MEIS2: variants seen among roughly 807,000 people sequenced by gnomAD.
MEIS2 encodes the protein Meis homeobox 2, also known as homeobox protein Meis2.
A neutral mutation model predicts 58.6 loss-of-function variants in MEIS2; 9 were observed. That is an observed-to-expected ratio of 0.15 (90% CI 0.09 to 0.27). The LOEUF is 0.27. Ranked by LOEUF, MEIS2 falls within the 10% of genes least tolerant of loss-of-function variation. The pLI is 1.00. For synonymous variants in MEIS2, 221 were observed against 228.4 expected (o/e 0.97, Z 0.29); for missense variants, 427 against 635.0 (o/e 0.67, Z 3.52).
rs909929629 is a variant in MEIS2, at chr15:37,096,523, G to GA, written c.246-94dup. The GA allele has an allele frequency of 4.1e-6, 6 of 1,479,480 alleles. No individual in the cohort carries two copies. The African/African-American group carries it at 8.4e-5, about 21-fold the overall frequency. 91.6% of individuals were successfully genotyped at this position (1,479,480 alleles called of 1,614,324 possible). Reference sequence around the variant, plus strand: ...GTAATCAACAAGTTTGGAGGGTGTGGAGTCCTTCTTTAATACAACAGGCAC... The same window carrying GA: ...GTAATCAACAAGTTTGGAGGGTGTGGAAGTCCTTCTTTAATACAACAGGCAC... On this transcript the variant is annotated intron_variant, in intron 2 of 11. Coordinates refer to ENST00000561208, the MANE Select transcript of MEIS2 (RefSeq NM_170675.5).
At chr15:36,972,037 TAGG>T (rs1385829143) in intron 8 of MEIS2, among the ~76,000 whole-genome samples, 1 of 152,140 alleles carries the variant, frequency 6.6e-6, no homozygotes, top group African/African-American at 2.4e-5. Context: ...GCAATATCAA[TAGG>T]AGAACAATAT....
At chr15:37,098,424 G>GAGAGAGAGAGAC in intron 1 of MEIS2, 1 of 1,105,280 alleles carries the variant, frequency 9.0e-7, no homozygotes, top group Non-Finnish European at 1.1e-6. Flanking sequence ...GAGAGAGAGA[G>GAGAGAGAGAGAC]AAAATAAAAA....
chr15:37,003,726 T>C (rs560077208), intron 8 of MEIS2, among the ~76,000 whole-genome samples: 5 of 152,324 alleles, frequency 3.3e-5, no homozygotes, highest in Admixed American at 3.3e-4. Flanking sequence ...GGGTTGAAAT[T>C]CTAACCCCCA....
chr15:37,072,470 G>T (rs2141877811), intron 7 of MEIS2, among the ~76,000 whole-genome samples: 1 of 152,226 alleles, frequency 6.6e-6, no homozygotes, highest in East Asian at 1.9e-4. Context: ...GGATCTTCAT[G>T]TACGCACCCA....
At chr15:36,976,493 T>C (rs1439585269) in intron 8 of MEIS2, among the ~76,000 whole-genome samples, 1 of 148,388 alleles carries the variant, frequency 6.7e-6, no homozygotes, top group Non-Finnish European at 1.5e-5. Flanking sequence ...TTATTATATG[T>C]ATATAATTAT....
chr15:36,948,852 G>A (rs2058662780), intron 9 of MEIS2, among the ~76,000 whole-genome samples: 1 of 151,902 alleles, frequency 6.6e-6, no homozygotes, highest in East Asian at 1.9e-4. Context: ...GGGATGTACT[G>A]CCTTTATTCC....
chr15:37,096,191 G>C (rs1894220446), intron 3 of MEIS2, 98 bp downstream of exon 3: 1 of 1,316,446 alleles, frequency 7.6e-7, no homozygotes, highest in Non-Finnish European at 1.0e-6. Flanking sequence ...GGAACAGATA[G>C]GGTGTCCCTG....
intron 10 of MEIS2, among the ~76,000 whole-genome samples, chr15:36,895,753 T>C (rs2056142161): frequency 6.6e-6 from 1 of 152,240 alleles, no homozygotes; most frequent in Non-Finnish European, 1.5e-5. Flanking sequence ...GTAAATATAA[T>C]ATTTCCATTG....
chr15:36,953,849 T>C (rs1272208534), intron 8 of MEIS2, among the ~76,000 whole-genome samples: 2 of 152,154 alleles, frequency 1.3e-5, no homozygotes, highest in Non-Finnish European at 2.9e-5. Context: ...TAATTTTCCT[T>C]TTGGGGTTAA....
chr15:37,040,162 G>C (rs2062360591), intron 7 of MEIS2, among the ~76,000 whole-genome samples: 1 of 151,738 alleles, frequency 6.6e-6, no homozygotes, highest in Non-Finnish European at 1.5e-5. Context: ...TGCTGAAAAA[G>C]GTATGTATAC....
chr15:36,890,654 C>G lies in MEIS2; in HGVS notation c.*1519G>C, dbSNP rs993100467. The G allele has an allele frequency of 1.3e-5, 2 of 152,100 alleles. No individual in the cohort carries two copies. Among genetic ancestry groups the G allele is most frequent in the Admixed American group, 6.5e-5 (1 of 15,272 alleles). 9.4% of individuals were successfully genotyped at this position (152,100 alleles called of 1,614,324 possible). ...CAGGCAGATAAATTACCTTTGAGCA[C>G]AGACATTATTTCTTATGTTGTAAAA... On this transcript the variant is annotated 3_prime_UTR_variant, in exon 12 of 12. Transcript: ENST00000561208.
rs144500899 is a variant in MEIS2, at chr15:36,966,616, T to G, written c.901-16216A>C. 5.9e-5 allele frequency among the ~76,000 whole-genome samples: 9 copies of G among 152,294 alleles called. No individual in the cohort carries two copies. In the East Asian group the frequency reaches 1.7e-3, roughly 29 times the overall value. On this transcript the variant is annotated intron_variant, in intron 8 of 11. Coordinates refer to ENST00000561208, the MANE Select transcript of MEIS2 (RefSeq NM_170675.5). ...GTTCTTATGAGGTTTAAATAAGTCA[T>G]GTATTAATTGACCAAATGGATATTG... is the stretch of plus-strand genomic sequence containing the variant.
chr15:36,981,532 G>T (rs2059927456), intron 8 of MEIS2, among the ~76,000 whole-genome samples: 1 of 151,916 alleles, frequency 6.6e-6, no homozygotes, highest in Non-Finnish European at 1.5e-5. Context: ...ATGATACTAG[G>T]TATTATTTAA....
chr15:37,007,993 C>T (rs534956812), intron 8 of MEIS2, among the ~76,000 whole-genome samples: 18 of 152,268 alleles, frequency 1.2e-4, no homozygotes, highest in African/African-American at 2.9e-4. Context: ...TAGGCTGAAA[C>T]GTCTGCTATC....
At chr15:37,028,038 T>C (rs1373507920) in intron 8 of MEIS2, among the ~76,000 whole-genome samples, 1 of 152,180 alleles carries the variant, frequency 6.6e-6, no homozygotes, top group African/African-American at 2.4e-5. Context: ...TATCCACCAT[T>C]GTAGTATCAT....
At chr15:37,080,260 CTT>C (rs1892023092) in intron 7 of MEIS2, among the ~76,000 whole-genome samples, 1 of 152,084 alleles carries the variant, frequency 6.6e-6, no homozygotes, top group African/African-American at 2.4e-5. Flanking sequence ...ATAAAACAAA[CTT>C]GGCACGAAAT....
At chr15:36,894,838 GAGGCCGGAAAATCAGCAATA>G in intron 11 of MEIS2, 6 of 1,555,678 alleles carry the variant, frequency 3.9e-6, no homozygotes, top group Non-Finnish European at 5.3e-6. Flanking sequence ...AATCCAAGAA[GAGGCCGGAAAATCAGCAATA>G]ATTGATGGTG....
Position 37,096,365 on chromosome 15 carries a change from C to T in MEIS2, c.311G>A (p.Arg104Gln), listed in dbSNP as rs1400775761. ...GTCTCCGCCAGCCACTCCAGGTTCCCGGGGAGTGCAGGTCGCCAGCTCGCA... is the reference window on the plus strand; with the variant it reads ...GTCTCCGCCAGCCACTCCAGGTTCCTGGGGAGTGCAGGTCGCCAGCTCGCA... ...EKCELATCTP[R>Q]EPGVAGGDVC... Residue 104 changes from arginine to glutamine, a missense_variant, in exon 3 of 12, where the codon CGG (arginine) becomes CAG (glutamine). Around this residue, in one of 6 missense-constraint regions of MEIS2, gnomAD observed 138 missense variants for 263.0 expected, o/e 0.52. Coordinates refer to ENST00000561208, the MANE Select transcript of MEIS2 (RefSeq NM_170675.5). The T allele has an allele frequency of 6.2e-7, 1 of 1,613,846 alleles. No homozygotes were observed. The highest frequency in any genetic ancestry group is 8.5e-7 in the Non-Finnish European group (1 of 1,179,930).
intron 7 of MEIS2, among the ~76,000 whole-genome samples, chr15:37,063,815 T>G (rs768770852): frequency 2.2e-4 from 34 of 152,156 alleles, no homozygotes; most frequent in Non-Finnish European, 4.7e-4. Context: ...TCACATTAGC[T>G]TTTCTCCTTC....
Sources: gnomAD v4.1 joint callset for allele counts (sites outside exome capture counted in the v4.1 genomes callset) on GRCh38, gnomAD v4.1.1 for gene constraint, gnomAD v4.1.1 regional missense constraint, MANE v1.5 for transcripts, NCBI Gene and HGNC (gene_info 2026-07-23, HGNC 2026-07-21) for gene names.